The following SLC22A23 variants were observed in gnomAD, a reference collection of about 807,000 sequenced individuals.
SLC22A23 encodes solute carrier family 22 member 23, also known as ion transporter protein.
SLC22A23 carries 26 observed loss-of-function variants against 61.0 expected under a neutral mutation model. The observed-to-expected ratio is 0.43, with a 90% CI of 0.31 to 0.59. The LOEUF is 0.59. SLC22A23 is among the 20% of genes least tolerant of loss of function. SLC22A23 has a pLI of 0.11. For synonymous variants in SLC22A23, 430 were observed against 413.9 expected (o/e 1.04, Z -0.47); for missense variants, 796 against 934.7 (o/e 0.85, Z 1.94).
chr6:3,349,899 TC>T (rs1483884568), intron 3 of SLC22A23, among the ~76,000 whole-genome samples: 1 of 152,222 alleles, frequency 6.6e-6, no homozygotes, highest in Non-Finnish European at 1.5e-5. Flanking sequence ...GAGCACCTCT[TC>T]CAGGGCTCTT....
intron 2 of SLC22A23, among the ~76,000 whole-genome samples, chr6:3,412,242 T>C (rs1310207283): frequency 1.3e-5 from 2 of 152,206 alleles, no homozygotes; most frequent in Non-Finnish European, 2.9e-5. Context: ...CGAAAAATGG[T>C]GGCTAAAATC....
rs1481634615 is a variant in SLC22A23, at chr6:3,386,403, C to A, written c.913+23785G>T. On this transcript the variant is annotated intron_variant, in intron 3 of 9. Coordinates refer to ENST00000406686, the MANE Select transcript of SLC22A23 (RefSeq NM_015482.2). This position sits in a 1 kb window ranked among gnomAD's most constrained non-coding sequence, Gnocchi z 4.4. ...TGTGTACGCCACACGCACAACCAGC[C>A]CTGGGGTCCCTGGATGTGGCACCAG... Among the ~76,000 whole-genome samples the A allele has an allele frequency of 6.6e-6, 1 of 152,150 alleles. No individual in the cohort carries two copies. Among genetic ancestry groups the A allele is most frequent in the Non-Finnish European group, 1.5e-5 (1 of 68,026 alleles).
chr6:3,451,591 AG>A (rs1195157811), intron 1 of SLC22A23, among the ~76,000 whole-genome samples: 1 of 152,202 alleles, frequency 6.6e-6, no homozygotes, highest in Non-Finnish European at 1.5e-5. Flanking sequence ...CTAAGATCTC[AG>A]AAGTATCTGA....
At chr6:3,320,767 A>G (rs563654762) in intron 4 of SLC22A23, among the ~76,000 whole-genome samples, 9 of 152,274 alleles carry the variant, frequency 5.9e-5, no homozygotes, top group African/African-American at 2.2e-4. Flanking sequence ...CTCACCACCC[A>G]CTTTTTAACC....
intron 1 of SLC22A23, among the ~76,000 whole-genome samples, chr6:3,422,222 T>C (rs983886584): frequency 6.6e-6 from 1 of 152,108 alleles, no homozygotes; most frequent in Non-Finnish European, 1.5e-5. Context: ...TCAGCATTTT[T>C]CCCCCCTAAA....
At chr6:3,397,457 A>T (rs540960138) in intron 3 of SLC22A23, among the ~76,000 whole-genome samples, 4 of 152,336 alleles carry the variant, frequency 2.6e-5, no homozygotes, top group African/African-American at 7.2e-5. Context: ...GCTTAAAGGC[A>T]TCTCTAGCAA....
In SLC22A23 at chr6:3,304,476, G is replaced by T. The variant is rs994742856; in HGVS notation, c.1083-6258C>A. 6.6e-6 allele frequency among the ~76,000 whole-genome samples: 1 copy of T among 151,422 alleles called. No homozygotes were observed. Among genetic ancestry groups the T allele is most frequent in the Non-Finnish European group, 1.5e-5 (1 of 67,950 alleles). The stretch of plus-strand genomic sequence containing the variant: ...TGTGACCTTAGGATTTAAGAAGTGG[G>T]TATGGGCCTCTTTGGGAGCCCAAGC... On this transcript the variant is annotated intron_variant, in intron 4 of 9. Transcript: ENST00000406686. This position sits in a 1 kb window ranked among gnomAD's most constrained non-coding sequence, Gnocchi z 4.3.
At chr6:3,432,112 G>A (rs774385740) in intron 1 of SLC22A23, 5 of 724,646 alleles carry the variant, frequency 6.9e-6, no homozygotes, top group Non-Finnish European at 8.4e-6. Context: ...TTAGGTTCCA[G>A]GGGGCTGAGT....
chr6:3,295,077 G>T (rs572033125), intron 5 of SLC22A23, among the ~76,000 whole-genome samples: 1 of 152,154 alleles, frequency 6.6e-6, no homozygotes, highest in South Asian at 2.1e-4. Flanking sequence ...GCTACGCGTC[G>T]CGTCAGGCCT....
chr6:3,363,738 A>T (rs1450703552), intron 3 of SLC22A23, among the ~76,000 whole-genome samples: 1 of 152,216 alleles, frequency 6.6e-6, no homozygotes, highest in African/African-American at 2.4e-5. Context: ...GGAGAGAAAA[A>T]GGGGTATTTT....
At chr6:3,384,138 G>A (rs1327528160) in intron 3 of SLC22A23, among the ~76,000 whole-genome samples, 2 of 152,174 alleles carry the variant, frequency 1.3e-5, no homozygotes, top group Non-Finnish European at 2.9e-5. Flanking sequence ...CTACAAGCAG[G>A]AGAAAACATT....
At chr6:3,346,811 A>C (rs569340841) in intron 3 of SLC22A23, among the ~76,000 whole-genome samples, 19 of 152,326 alleles carry the variant, frequency 1.2e-4, no homozygotes, top group African/African-American at 4.6e-4. Context: ...GCTGACACCC[A>C]GGATGAATTC....
intron 2 of SLC22A23, 99 bp downstream of exon 2, chr6:3,415,653 A>G: frequency 1.2e-6 from 1 of 838,132 alleles, no homozygotes; most frequent in East Asian, 2.7e-5. Flanking sequence ...GCACTGGGAA[A>G]AGACAGTCAT....
At chr6:3,401,963 G>A (rs1768421645) in intron 3 of SLC22A23, among the ~76,000 whole-genome samples, 1 of 152,228 alleles carries the variant, frequency 6.6e-6, no homozygotes, top group Non-Finnish European at 1.5e-5. Context: ...GGGAGGAAGG[G>A]AGTGGTCGGT....
At chr6:3,296,449 G>A (rs1761103596) in intron 5 of SLC22A23, among the ~76,000 whole-genome samples, 1 of 152,202 alleles carries the variant, frequency 6.6e-6, no homozygotes, top group African/African-American at 2.4e-5. Context: ...TAATTATAGT[G>A]CCTCTCTCAT....
rs986814099 is a variant in SLC22A23, at chr6:3,352,273, A to G, written c.914-28271T>C. Among the ~76,000 whole-genome samples, 70 of 63,618 alleles carry G rather than the reference A, an allele frequency of 1.1e-3. 1 individual carries two copies. Among genetic ancestry groups the G allele is most frequent in the African/African-American group, 7.3e-3 (64 of 8,780 alleles). 41.7% of individuals were successfully genotyped at this position (63,618 alleles called of 152,430 possible). The stretch of plus-strand genomic sequence containing the variant: ...CACAAACATACACACACAGACATGC[A>G]CACACACACACACACACAGCCATAG... On this transcript the variant is annotated intron_variant, in intron 3 of 9. Coordinates refer to ENST00000406686, the MANE Select transcript of SLC22A23 (RefSeq NM_015482.2).
At chr6:3,436,216 T>G (rs1771202026) in intron 1 of SLC22A23, among the ~76,000 whole-genome samples, 1 of 152,076 alleles carries the variant, frequency 6.6e-6, no homozygotes. Context: ...ATCGGCTCAC[T>G]GCAATCTTTG....
rs772880229 is a variant in SLC22A23 at position 3,427,664 on chromosome 6, C to A, written c.655-11809G>T. 6.6e-6 allele frequency among the ~76,000 whole-genome samples: 1 copy of A among 152,016 alleles called. No individual in the cohort carries two copies. Among genetic ancestry groups the A allele is most frequent in the Non-Finnish European group, 1.5e-5 (1 of 68,016 alleles). The stretch of plus-strand genomic sequence containing the variant: ...GACCTCCTCAGCAGCATCCTGGGAA[C>A]AGCAACAGCTTCGTTTCCAACACTT... On this transcript the variant is annotated intron_variant, in intron 1 of 9. Coordinates refer to ENST00000406686, the MANE Select transcript of SLC22A23 (RefSeq NM_015482.2). This position sits in a 1 kb window ranked among gnomAD's most constrained non-coding sequence, Gnocchi z 4.3.
chr6:3,432,891 G>T (rs917540482), intron 1 of SLC22A23, among the ~76,000 whole-genome samples: 1 of 152,190 alleles, frequency 6.6e-6, no homozygotes, highest in African/African-American at 2.4e-5. Flanking sequence ...TACTTCCCCA[G>T]TGGCCTCCGG....
Sources: gnomAD v4.1 joint callset for allele counts (sites outside exome capture counted in the v4.1 genomes callset) on GRCh38, gnomAD v4.1.1 for gene constraint, Gnocchi (gnomAD v3.1) non-coding constraint, MANE v1.5 for transcripts, NCBI Gene and HGNC (gene_info 2026-07-23, HGNC 2026-07-21) for gene names.